The following PTPRF variants were observed in gnomAD, a reference collection of about 807,000 sequenced individuals.
PTPRF encodes protein tyrosine phosphatase receptor type F, also known as receptor-type tyrosine-protein phosphatase F.
In PTPRF, 59 loss-of-function variants were observed where a neutral mutation model predicts 201.8. The ratio of observed to expected loss-of-function variants is 0.29; its 90% CI spans 0.24 to 0.36. The LOEUF (loss-of-function observed/expected upper bound fraction) is 0.36, where lower values mean the gene tolerates loss of function less well. Ranked by LOEUF, PTPRF falls within the 10% of genes least tolerant of loss-of-function variation. PTPRF has a pLI of 1.00. For missense variants in PTPRF, 2,132 were observed against 2,690.5 expected, an observed-to-expected ratio of 0.79 and a Z score of 4.59; for synonymous variants, 1,088 against 1,089.7, an observed-to-expected ratio of 1.00 and a Z score of 0.03.
intron 3 of PTPRF, among the ~76,000 whole-genome samples, chr1:43,551,610 G>A (rs1008555608): frequency 1.3e-5 from 2 of 152,152 alleles, no homozygotes; most frequent in Non-Finnish European, 2.9e-5. Flanking sequence ...GAGAAGGCTG[G>A]ATCAAAGCCT....
chr1:43,539,590 G>A (rs1030977921), intron 2 of PTPRF, among the ~76,000 whole-genome samples: 2 of 152,176 alleles, frequency 1.3e-5, no homozygotes, highest in Non-Finnish European at 2.9e-5. Context: ...CAGACCCTAC[G>A]TTTGGTGAGA....
intron 5 of PTPRF, among the ~76,000 whole-genome samples, chr1:43,562,899 C>G (rs922707947): frequency 6.6e-6 from 1 of 151,578 alleles, no homozygotes; most frequent in South Asian, 2.1e-4. Context: ...AGAAAGAGGC[C>G]GGGCACGGTG....
intron 5 of PTPRF, among the ~76,000 whole-genome samples, chr1:43,559,242 G>A (rs1645616334): frequency 1.3e-5 from 2 of 152,138 alleles, no homozygotes; most frequent in African/African-American, 4.8e-5. Context: ...GCAGCGGTCA[G>A]CGCACACGTT....
chr1:43,615,815 C>T (rs926334614), intron 23 of PTPRF, among the ~76,000 whole-genome samples: 14 of 152,096 alleles, frequency 9.2e-5, no homozygotes, highest in Non-Finnish European at 1.8e-4. Context: ...ATCCGCCCAC[C>T]TTGGCCTCCC....
intron 6 of PTPRF, among the ~76,000 whole-genome samples, chr1:43,576,752 C>T (rs976155459): frequency 2.0e-5 from 3 of 152,208 alleles, no homozygotes; most frequent in African/African-American, 2.4e-5. Flanking sequence ...TAGTGTCTGG[C>T]GCAGAGCAGA....
chr1:43,610,436 CAG>C (rs1240857274), intron 22 of PTPRF, among the ~76,000 whole-genome samples: 16 of 152,240 alleles, frequency 1.1e-4, no homozygotes, highest in African/African-American at 1.9e-4. Context: ...GGAATTCAGA[CAG>C]GGGCACAGCA....
intron 6 of PTPRF, among the ~76,000 whole-genome samples, chr1:43,575,716 T>G (rs1266865730): frequency 6.6e-6 from 1 of 152,012 alleles, no homozygotes; most frequent in African/African-American, 2.4e-5. Flanking sequence ...GGACACAGCT[T>G]CACTGACACT....
intron 7 of PTPRF, among the ~76,000 whole-genome samples, chr1:43,586,372 G>C (rs1649149055): frequency 6.6e-6 from 1 of 152,216 alleles, no homozygotes; most frequent in African/African-American, 2.4e-5. Context: ...CCCATCTCCA[G>C]AGCAGAGGGA....
At chr1:43,527,994 C>A (rs967741103), upstream of PTPRF, among the ~76,000 whole-genome samples, 1 of 152,206 alleles carries the variant, frequency 6.6e-6, no homozygotes, top group African/African-American at 2.4e-5. Context: ...GGACCCTGTG[C>A]TGGCCACTGG....
At position 43,605,210 on chromosome 1, in the gene PTPRF, T is replaced by C. The variant is rs759473171; in HGVS notation, c.3156T>C (p.Ser1052=). ...VPFKILYNGQ[S]VEVDGHSMRK... ...CACAGATTCTGTACAATGGGCAGAG[T>C]GTGGAGGTGGACGGGCACTCGATGC... Residue 1052 remains serine (S), a synonymous_variant, in exon 18 of 34, where the codon AGT becomes AGC. Coordinates refer to ENST00000359947, the MANE Select transcript of PTPRF (RefSeq NM_002840.5). 6 of 1,602,400 alleles carry C rather than the reference T, an allele frequency of 3.7e-6. No individual in the cohort carries two copies. Among genetic ancestry groups the C allele is most frequent in the East Asian group, 2.2e-5 (1 of 44,564 alleles).
At chr1:43,571,949 G>C (rs1234401132) in intron 6 of PTPRF, among the ~76,000 whole-genome samples, 2 of 152,366 alleles carry the variant, frequency 1.3e-5, no homozygotes, top group Middle Eastern at 3.4e-3. Context: ...GTCAATGGCA[G>C]TCAAACCTTG....
intron 5 of PTPRF, among the ~76,000 whole-genome samples, chr1:43,568,673 A>G (rs1646356124): frequency 6.6e-6 from 1 of 152,134 alleles, no homozygotes; most frequent in Non-Finnish European, 1.5e-5. Flanking sequence ...TGTGCTTCCA[A>G]GGGGTGGAGA....
At chr1:43,568,672 A>G (rs1646355908) in intron 5 of PTPRF, among the ~76,000 whole-genome samples, 1 of 152,128 alleles carries the variant, frequency 6.6e-6, no homozygotes, top group African/African-American at 2.4e-5. Flanking sequence ...TTGTGCTTCC[A>G]AGGGGTGGAG....
intron 14 of PTPRF, 67 bp downstream of exon 14, chr1:43,602,164 C>G: frequency 1.3e-6 from 2 of 1,536,652 alleles, no homozygotes; most frequent in Non-Finnish European, 9.0e-7. Context: ...CGCTCCTCCT[C>G]TCCCTCCTTT....
chr1:43,588,817 G>A lies in PTPRF; in HGVS notation c.766G>A (p.Val256Met). The part of the protein sequence containing the change: ...GGSVNLTCVA[V>M]GAPMPYVKWM... ...CAGCGTGAACCTGACATGCGTGGCA[G>A]TGGGTGCACCCATGCCCTACGTGAA... is the stretch of plus-strand genomic sequence containing the variant. Residue 256 changes from valine (V) to methionine (M), a missense_variant, in exon 8 of 34, where the codon GTG (valine) becomes ATG (methionine). By Grantham distance (21) the Val-to-Met change is conservative. Transcript: ENST00000359947. The surrounding 1 kb of genome is among the most constrained non-coding windows in gnomAD (Gnocchi z 5.3). The A allele has an allele frequency of 6.2e-7, 1 of 1,614,086 alleles. No homozygotes were observed. The highest frequency in any genetic ancestry group is 8.5e-7 in the Non-Finnish European group (1 of 1,180,020).
intron 5 of PTPRF, among the ~76,000 whole-genome samples, chr1:43,558,164 G>A (rs1173144285): frequency 6.6e-6 from 1 of 152,140 alleles, no homozygotes; most frequent in East Asian, 1.9e-4. Flanking sequence ...GTTGGGGTCG[G>A]GGAAGTAAGA....
At position 43,621,188 on chromosome 1, in the gene PTPRF, G is replaced by T; in HGVS notation, c.5611G>T (p.Val1871Leu). Residue 1871 changes from valine to leucine, a missense_variant, in exon 33 of 34, where the codon GTG (valine) becomes TTG (leucine). This residue lies in a region of PTPRF where 519 missense variants were observed against 659.5 expected (regional missense o/e 0.79). Transcript: ENST00000359947. ...YEGVVDMFQT[V>L]KTLRTQRPAM... ...GGGCGTGGTCGACATGTTTCAGACC[G>T]TGAAGACCCTGCGTACACAGCGTCC... 6.2e-7 allele frequency: 1 copy of T among 1,614,140 alleles called. No individual in the cohort carries two copies. The highest frequency in any genetic ancestry group is 8.5e-7 in the Non-Finnish European group (1 of 1,179,978).
At chr1:43,617,371 C>T (rs2154032954) in intron 23 of PTPRF, 74 bp from the exon 24 acceptor site, 1 of 1,591,640 alleles carries the variant, frequency 6.3e-7, no homozygotes, top group South Asian at 1.1e-5. Flanking sequence ...ACCGGGAAGG[C>T]TGGGTCCCCT....
chr1:43,558,183 T>C lies in PTPRF; in HGVS notation c.379+4242T>C, dbSNP rs550972247. 3.3e-5 allele frequency among the ~76,000 whole-genome samples: 5 copies of C among 152,252 alleles called. No individual in the cohort carries two copies. In the South Asian group the frequency reaches 1.0e-3, roughly 32 times the overall value. On this transcript the variant is annotated intron_variant, in intron 5 of 33. Coordinates refer to ENST00000359947, the MANE Select transcript of PTPRF (RefSeq NM_002840.5). ...GGGTCGGGGAAGTAAGAGTCCTTCCTGAGTTGCACACAGCTCTCCCTGTGA... is the reference window on the plus strand; with the variant it reads ...GGGTCGGGGAAGTAAGAGTCCTTCCCGAGTTGCACACAGCTCTCCCTGTGA...
Sources: allele counts gnomAD v4.1 joint callset (sites outside exome capture counted in the v4.1 genomes callset), GRCh38; gene constraint gnomAD v4.1.1; regional missense constraint gnomAD v4.1.1; non-coding constraint Gnocchi (gnomAD v3.1); transcripts MANE v1.5; gene names NCBI Gene and HGNC (gene_info 2026-07-23, HGNC 2026-07-21).